The following ZMYM2 variants were observed in gnomAD, a reference collection of about 807,000 sequenced individuals.
ZMYM2 encodes zinc finger MYM-type protein 2.
ZMYM2 carries 56 observed loss-of-function variants against 162.8 expected under a neutral mutation model. The observed-to-expected ratio is 0.34, with a 90% CI of 0.28 to 0.43. ZMYM2 has a LOEUF of 0.43. Ranked by LOEUF, ZMYM2 falls within the 20% of genes least tolerant of loss-of-function variation. The pLI, the probability that ZMYM2 is intolerant of heterozygous loss-of-function variation, is 1.00. For synonymous variants in ZMYM2, 510 were observed against 541.6 expected, an observed-to-expected ratio of 0.94 and a Z score of 0.81; for missense variants, 1,275 against 1,621.8, an observed-to-expected ratio of 0.79 and a Z score of 3.67.
rs758792730 is a variant in ZMYM2, at chr13:20,028,990, TAAAGC to T, written c.1851+1676_1851+1680del. ...AAAAGCAACATTTTTCCCTTTATCA[TAAAGC>T]AAACCATATATTTTGAACTTTATAT... is the stretch of plus-strand genomic sequence containing the variant. On this transcript the variant is annotated intron_variant, in intron 9 of 24. Coordinates refer to ENST00000610343, the MANE Select transcript of ZMYM2 (RefSeq NM_197968.4). 1.8e-3 allele frequency among the ~76,000 whole-genome samples: 269 copies of T among 152,216 alleles called. 2 individuals carry two copies. Among genetic ancestry groups the T allele is most frequent in the Non-Finnish European group, 2.1e-3 (146 of 68,044 alleles).
In ZMYM2 at chr13:20,064,688, T is replaced by C. The variant is rs369630623; in HGVS notation, c.3132+143T>C. ...ATTTATTTTCTATTTATATAGAATA[T>C]AGTAATAATATATTACTGCTATTTA... On this transcript the variant is annotated intron_variant, in intron 19 of 24. Transcript: ENST00000610343. 1.3e-4 allele frequency: 45 copies of C among 335,428 alleles called. 2 individuals are homozygous for C. In the South Asian group the frequency reaches 5.0e-3, roughly 37 times the overall value. 20.8% of individuals were successfully genotyped at this position (335,428 alleles called of 1,614,324 possible). A position where few individuals can be genotyped will look rare whatever the true frequency, so the allele number is the denominator to read the frequency against.
chr13:19,983,435 C>T (rs1254105038), intron 2 of ZMYM2, among the ~76,000 whole-genome samples: 3 of 152,058 alleles, frequency 2.0e-5, no homozygotes, highest in African/African-American at 2.4e-5. Flanking sequence ...CATGAGCCAC[C>T]GTGCCCGGCC....
chr13:19,885,965 GTATACACA>G, the ZMYM2 span, among the ~76,000 whole-genome samples: 21 of 91,290 alleles, frequency 2.3e-4, 8 homozygotes, highest in Non-Finnish European at 2.5e-4. Flanking sequence ...ATATATATGT[GTATACACA>G]TATATATGTA....
At chr13:20,001,093 TAGTG>T (rs1378003205) in intron 3 of ZMYM2, among the ~76,000 whole-genome samples, 1 of 152,132 alleles carries the variant, frequency 6.6e-6, no homozygotes, top group Non-Finnish European at 1.5e-5. Flanking sequence ...CTAGAATTAG[TAGTG>T]GAACCTGAAT....
chr13:20,021,061 T>G (rs7336162), intron 7 of ZMYM2, among the ~76,000 whole-genome samples: 10 of 151,830 alleles, frequency 6.6e-5, no homozygotes, highest in African/African-American at 1.9e-4. Context: ...CTGCAAGCTC[T>G]GCCTTCCAGG....
chr13:19,964,545 G>A (rs535190515), intron 2 of ZMYM2, among the ~76,000 whole-genome samples: 17 of 152,260 alleles, frequency 1.1e-4, no homozygotes, highest in Admixed American at 3.3e-4. Context: ...GATTTCAGGC[G>A]TGAGCCACCA....
the ZMYM2 span, among the ~76,000 whole-genome samples, chr13:19,926,046 G>A: frequency 1.3e-5 from 2 of 149,192 alleles, no homozygotes; most frequent in South Asian, 2.1e-4. Context: ...CCACAACCTC[G>A]GCCTCCTGGG....
chr13:20,045,049 CAA>C (rs933854935), intron 12 of ZMYM2, among the ~76,000 whole-genome samples: 24 of 47,450 alleles, frequency 5.1e-4, no homozygotes, highest in African/African-American at 1.5e-3. Context: ...GACTCTGTGT[CAA>C]AAAAAAAAAA....
At chr13:20,060,043 GA>G (rs1956113298) in intron 16 of ZMYM2, among the ~76,000 whole-genome samples, 1 of 152,078 alleles carries the variant, frequency 6.6e-6, no homozygotes. Context: ...CAAAAAAAAT[GA>G]AAATAAAAAA....
chr13:20,038,926 T>C (rs1594516284), intron 12 of ZMYM2, among the ~76,000 whole-genome samples: 1 of 152,324 alleles, frequency 6.6e-6, no homozygotes, highest in Non-Finnish European at 1.5e-5. Flanking sequence ...GGAATGTTTT[T>C]CCATTTGTTT....
intron 22 of ZMYM2, 144 bp downstream of exon 22, chr13:20,082,274 T>C (rs566027560): frequency 4.6e-6 from 3 of 649,740 alleles, no homozygotes; most frequent in East Asian, 6.4e-5. Context: ...GCCTTTCATC[T>C]CTTGTTGAAT....
chr13:19,887,877 C>T, the ZMYM2 span, among the ~76,000 whole-genome samples: 509 of 150,896 alleles, frequency 3.4e-3, 11 homozygotes, highest in African/African-American at 0.012. Context: ...AATTGGCCTT[C>T]AAGTAATTTT....
the ZMYM2 span, among the ~76,000 whole-genome samples, chr13:19,943,207 C>G: frequency 4.6e-5 from 7 of 152,186 alleles, no homozygotes; most frequent in African/African-American, 1.4e-4. Context: ...TTTCTTCCCT[C>G]TGTATGTGTC....
intron 6 of ZMYM2, among the ~76,000 whole-genome samples, chr13:20,008,118 T>TATA (rs1450270077): frequency 6.6e-6 from 1 of 152,088 alleles, no homozygotes; most frequent in African/African-American, 2.4e-5. Flanking sequence ...TATAACTAAC[T>TATA]ATAATTGTTG....
the ZMYM2 span, among the ~76,000 whole-genome samples, chr13:19,883,804 TGGA>T: frequency 2.0e-5 from 3 of 152,334 alleles, no homozygotes; most frequent in African/African-American, 7.2e-5. Context: ...TTGCCCAGGC[TGGA>T]GCGCACGGGC....
At chr13:20,030,681 A>C (rs1035493927) in intron 9 of ZMYM2, among the ~76,000 whole-genome samples, 1 of 152,078 alleles carries the variant, frequency 6.6e-6, no homozygotes, top group Admixed American at 6.6e-5. Context: ...TACAGGCATG[A>C]GCCACCACGC....
chr13:19,936,146 T>C, the ZMYM2 span, among the ~76,000 whole-genome samples: 4 of 152,208 alleles, frequency 2.6e-5, no homozygotes, highest in Admixed American at 6.5e-5. Flanking sequence ...TGGTATAATA[T>C]GTGAACCTTT....
intron 24 of ZMYM2, 38 bp from the exon 25 acceptor site, chr13:20,085,784 G>C (rs1476836539): frequency 2.6e-6 from 4 of 1,555,824 alleles, no homozygotes; most frequent in African/African-American, 1.4e-5. Context: ...GAAATTTTGT[G>C]AAATTGACTT....
At chr13:19,899,422 C>T in the ZMYM2 span, among the ~76,000 whole-genome samples, 3 of 151,794 alleles carry the variant, frequency 2.0e-5, no homozygotes, top group African/African-American at 7.3e-5. Flanking sequence ...TTAAACTTTA[C>T]ACATTAAGGA....
Sources: allele counts gnomAD v4.1 joint callset (sites outside exome capture counted in the v4.1 genomes callset), GRCh38; gene constraint gnomAD v4.1.1; transcripts MANE v1.5; gene names NCBI Gene and HGNC (gene_info 2026-07-23, HGNC 2026-07-21).